The following INPP4B variants were observed in gnomAD, a reference collection of about 807,000 sequenced individuals.
INPP4B encodes the protein inositol polyphosphate 4-phosphatase type II.
Under a neutral mutation model 122.5 loss-of-function variants are expected in INPP4B, and 55 were observed. That is an observed-to-expected ratio of 0.45 (90% CI 0.36 to 0.56). The LOEUF is 0.56. Ranked by LOEUF, INPP4B falls within the 20% of genes least tolerant of loss-of-function variation. The probability of loss-of-function intolerance (pLI) is 0.00; values close to 1 mark genes in which losing one functional copy is unlikely to be tolerated. For missense variants in INPP4B, 1,000 were observed against 1,097.7 expected, an observed-to-expected ratio of 0.91 and a Z score of 1.26; for synonymous variants, 403 against 388.7, an observed-to-expected ratio of 1.04 and a Z score of -0.43.
Position 142,177,139 on chromosome 4 carries a change from C to T in INPP4B, c.1182-3330G>A, listed in dbSNP as rs1187176957. On this transcript the variant is annotated intron_variant, in intron 15 of 25. Coordinates refer to ENST00000262992, the MANE Select transcript of INPP4B (RefSeq NM_001101669.3). ...TGGAGCAGAGTTGTGTAGCAGGCATCGGTTGTTCTGATGAAGTCTTTTTAA... is the reference window on the plus strand; with the variant it reads ...TGGAGCAGAGTTGTGTAGCAGGCATTGGTTGTTCTGATGAAGTCTTTTTAA... Among the ~76,000 whole-genome samples the T allele has an allele frequency of 3.3e-5, 5 of 152,176 alleles. No individual in the cohort carries two copies. The East Asian group carries it at 5.8e-4, about 18-fold the overall frequency.
intron 5 of INPP4B, chr4:142,423,654 G>C (rs2149325628): frequency 3.8e-6 from 1 of 261,978 alleles, no homozygotes; most frequent in Non-Finnish European, 7.6e-6. Flanking sequence ...TGAAAAAACT[G>C]AATTTTAATC....
intron 9 of INPP4B, among the ~76,000 whole-genome samples, chr4:142,271,157 G>T (rs2636685): frequency 0.76 from 115,681 of 151,800 alleles, 45,315 homozygotes; most frequent in East Asian, 0.93. Flanking sequence ...TGGTCAGGCT[G>T]GTGTCAAACT....
chr4:142,277,674 C>T (rs1749212350), intron 9 of INPP4B, among the ~76,000 whole-genome samples: 1 of 90,804 alleles, frequency 1.1e-5, no homozygotes, highest in Admixed American at 1.4e-4. Context: ...ATCATACACA[C>T]ACACACATAC....
intron 12 of INPP4B, among the ~76,000 whole-genome samples, chr4:142,209,491 T>A (rs1227754240): frequency 6.6e-6 from 1 of 152,014 alleles, no homozygotes; most frequent in Non-Finnish European, 1.5e-5. Flanking sequence ...ACAAATATTT[T>A]TTTAAAAAAA....
At chr4:142,692,455 C>G (rs572209482) in intron 2 of INPP4B, among the ~76,000 whole-genome samples, 1 of 152,114 alleles carries the variant, frequency 6.6e-6, no homozygotes, top group Non-Finnish European at 1.5e-5. Flanking sequence ...AACCCTAGCA[C>G]TTTATGAGGC....
intron 1 of INPP4B, among the ~76,000 whole-genome samples, chr4:142,778,399 A>T (rs1400393349): frequency 1.3e-5 from 2 of 152,190 alleles, no homozygotes; most frequent in African/African-American, 4.8e-5. Flanking sequence ...TTTGAGACTC[A>T]TGACTTGTTT....
At chr4:142,583,201 C>T (rs1176218609) in intron 2 of INPP4B, among the ~76,000 whole-genome samples, 2 of 152,064 alleles carry the variant, frequency 1.3e-5, no homozygotes, top group Non-Finnish European at 2.9e-5. Flanking sequence ...CAAATGGGGT[C>T]AAATTTATCT....
chr4:142,042,025 T>C (rs760593603), intron 25 of INPP4B, among the ~76,000 whole-genome samples: 2 of 152,186 alleles, frequency 1.3e-5, no homozygotes, highest in Non-Finnish European at 2.9e-5. Flanking sequence ...TCAGTCCTCC[T>C]TGATGCTTTT....
In INPP4B at chr4:142,431,220, G is replaced by T; in HGVS notation, c.40C>A (p.His14Asn). 1 of 1,613,354 alleles carries T rather than the reference G, an allele frequency of 6.2e-7. No individual in the cohort carries two copies. The highest frequency in any genetic ancestry group is 8.5e-7 in the Non-Finnish European group (1 of 1,179,428). The change falls in exon 4 of 26, where the codon CAC (histidine) becomes AAC (asparagine). Residue 14 changes from histidine to asparagine, a missense_variant. His to Asn is a moderately conservative substitution (Grantham distance 68). Coordinates refer to ENST00000262992, the MANE Select transcript of INPP4B (RefSeq NM_001101669.3). ...TTGGCCTGGGCTGTAGGAAGAAAGT[G>T]CTGCCCTTCTTCTGATGCCCCTTCC... ...KEEGASEEGQ[H>N]FLPTAQANDP...
At chr4:142,585,569 T>C (rs1001175203) in intron 2 of INPP4B, among the ~76,000 whole-genome samples, 2 of 152,106 alleles carry the variant, frequency 1.3e-5, no homozygotes, top group Non-Finnish European at 2.9e-5. Context: ...ACAGGACAAG[T>C]AGTCATATCC....
chr4:142,055,548 G>C (rs1406176368), intron 25 of INPP4B, among the ~76,000 whole-genome samples: 1 of 152,094 alleles, frequency 6.6e-6, no homozygotes, highest in East Asian at 1.9e-4. Context: ...GTGAAATTAA[G>C]CAGATGTTTG....
In INPP4B at chr4:142,082,533, A is replaced by G. The variant is rs1774469729; in HGVS notation, c.2488-348T>C. Among the ~76,000 whole-genome samples the G allele has an allele frequency of 2.6e-5, 4 of 152,320 alleles. No homozygotes were observed. The South Asian group carries it at 8.3e-4, about 32-fold the overall frequency. On this transcript the variant is annotated intron_variant, in intron 24 of 25. Coordinates refer to ENST00000262992, the MANE Select transcript of INPP4B (RefSeq NM_001101669.3). The stretch of plus-strand genomic sequence containing the variant: ...CTAATCCCAGCTCAGAAATAACACC[A>G]TCATTGTAAAGAGGAAAAAACAAAC...
intron 2 of INPP4B, among the ~76,000 whole-genome samples, chr4:142,684,941 G>T (rs188971255): frequency 6.6e-6 from 1 of 152,096 alleles, no homozygotes; most frequent in East Asian, 1.9e-4. Context: ...CTGCATGCTG[G>T]TTATATATTA....
chr4:142,421,968 T>C (rs1160364205), intron 5 of INPP4B, among the ~76,000 whole-genome samples: 3 of 152,098 alleles, frequency 2.0e-5, no homozygotes, highest in African/African-American at 7.2e-5. Context: ...TGCCTGATGG[T>C]TAAAAGCAGG....
chr4:142,160,534 C>G lies in INPP4B; in HGVS notation c.1387G>C (p.Asp463His), dbSNP rs200589366. The G allele has an allele frequency of 2.5e-6, 4 of 1,605,546 alleles. No individual in the cohort carries two copies. The highest frequency in any genetic ancestry group is 3.4e-5 in the Admixed American group (2 of 59,506). The change falls in exon 17 of 26, where the codon GAT becomes CAT. Residue 463 changes from aspartate (D) to histidine (H), a missense_variant. Coordinates refer to ENST00000262992, the MANE Select transcript of INPP4B (RefSeq NM_001101669.3). ...KTELFVHAFK[D>H]QLVRSALLAL... Reference sequence around the variant, plus strand: ...AAAAGAGCACTCCTGACAAGTTGATCCTTGAAGGCATGTACAAAAAGCTCT... The same window carrying G: ...AAAAGAGCACTCCTGACAAGTTGATGCTTGAAGGCATGTACAAAAAGCTCT...
At chr4:142,546,953 G>A (rs1239161466) in intron 2 of INPP4B, among the ~76,000 whole-genome samples, 2 of 151,904 alleles carry the variant, frequency 1.3e-5, no homozygotes. Flanking sequence ...AATATTTTAT[G>A]CTCTTTTTCA....
intron 18 of INPP4B, among the ~76,000 whole-genome samples, chr4:142,143,741 C>G (rs1238632617): frequency 2.0e-5 from 3 of 151,924 alleles, no homozygotes; most frequent in African/African-American, 7.2e-5. Context: ...TAAAGACTTA[C>G]AGAATCAAAG....
At chr4:142,410,781 AAT>A (rs1314658965) in intron 5 of INPP4B, among the ~76,000 whole-genome samples, 4 of 152,312 alleles carry the variant, frequency 2.6e-5, no homozygotes, top group Admixed American at 2.0e-4. Context: ...ATAGAATGCT[AAT>A]ATATGAGTCC....
At position 142,375,211 on chromosome 4, in the gene INPP4B, C is replaced by T. The variant is rs114417094; in HGVS notation, c.372+27727G>A. 5.9e-3 allele frequency among the ~76,000 whole-genome samples: 902 copies of T among 151,798 alleles called. 9 individuals carry two copies. The highest frequency in any genetic ancestry group is 0.02 in the African/African-American group (842 of 41,462). ...TGTGGAGCTAGTCAACACTGACCAA[C>T]CTTCCTCTTTGTCTTAAAATTCTTC... On this transcript the variant is annotated intron_variant, in intron 7 of 25. Transcript: ENST00000262992.
Sources: gnomAD v4.1 joint callset for allele counts (sites outside exome capture counted in the v4.1 genomes callset) on GRCh38, gnomAD v4.1.1 for gene constraint, MANE v1.5 for transcripts, NCBI Gene and HGNC (gene_info 2026-07-23, HGNC 2026-07-21) for gene names.